Variants in CFAP61 observed in about 807,000 individuals in gnomAD.
CFAP61 encodes cilia and flagella associated protein 61, also known as cilia- and flagella-associated protein 61.
A neutral mutation model predicts 135.6 loss-of-function variants in CFAP61; 107 were observed. That is an observed-to-expected ratio of 0.79 (90% CI 0.67 to 0.93). The LOEUF is 0.93. Among genes scored for constraint, CFAP61 ranks in the 40% least tolerant of loss-of-function variants. The probability of loss-of-function intolerance (pLI) is 0.00; values close to 1 mark genes in which losing one functional copy is unlikely to be tolerated. For missense variants in CFAP61, 1,507 were observed against 1,556.2 expected (o/e 0.97, Z 0.53); for synonymous variants, 575 against 578.5 (o/e 0.99, Z 0.09).
chr20:20,248,989 C>A (rs2050678646), intron 19 of CFAP61, among the ~76,000 whole-genome samples: 1 of 152,204 alleles, frequency 6.6e-6, no homozygotes, highest in Non-Finnish European at 1.5e-5. Flanking sequence ...ACTTGAGGAA[C>A]AGGAAGTTTC....
chr20:20,183,412 T>C (rs1484060106), intron 13 of CFAP61, among the ~76,000 whole-genome samples: 1 of 152,194 alleles, frequency 6.6e-6, no homozygotes, highest in Non-Finnish European at 1.5e-5. Context: ...TCCTCCTGCC[T>C]TGGCCTCCCA....
intron 13 of CFAP61, among the ~76,000 whole-genome samples, chr20:20,178,878 CTTTA>C (rs2054838791): frequency 1.3e-5 from 2 of 151,906 alleles, no homozygotes; most frequent in Non-Finnish European, 2.9e-5. Context: ...TATTTTCTTT[CTTTA>C]TTTATTTTTG....
chr20:20,088,854 T>C (rs559977289), intron 6 of CFAP61, among the ~76,000 whole-genome samples: 24 of 152,272 alleles, frequency 1.6e-4, no homozygotes, highest in Admixed American at 1.5e-3. Flanking sequence ...ATACTTACTG[T>C]TTTTAATGAA....
intron 13 of CFAP61, among the ~76,000 whole-genome samples, chr20:20,186,717 T>C (rs1304777375): frequency 6.6e-6 from 1 of 152,234 alleles, no homozygotes; most frequent in Non-Finnish European, 1.5e-5. Flanking sequence ...TATTGTTCTT[T>C]GCAAATATGA....
chr20:20,269,997 A>T (rs1273147707), intron 21 of CFAP61, among the ~76,000 whole-genome samples: 1 of 152,208 alleles, frequency 6.6e-6, no homozygotes, highest in Non-Finnish European at 1.5e-5. Flanking sequence ...GTGAGGATGA[A>T]TGAGTCATAT....
At chr20:20,319,239 TAGAA>T (rs1210392488) in intron 25 of CFAP61, among the ~76,000 whole-genome samples, 1 of 152,216 alleles carries the variant, frequency 6.6e-6, no homozygotes, top group Non-Finnish European at 1.5e-5. Flanking sequence ...GCAGGTCACT[TAGAA>T]AGGAACTAGA....
intron 17 of CFAP61, among the ~76,000 whole-genome samples, chr20:20,208,425 G>C: frequency 6.6e-6 from 1 of 152,154 alleles, no homozygotes; most frequent in East Asian, 1.9e-4. Flanking sequence ...CCAAGGGTTA[G>C]ACTCCCCTGA....
rs375848946 is a variant in CFAP61, at chr20:20,277,323, G to A, written c.2661G>A (p.Ala887=). 3.7e-5 allele frequency: 59 copies of A among 1,614,022 alleles called. No individual in the cohort carries two copies. The highest frequency in any genetic ancestry group is 1.0e-4 in the Admixed American group (6 of 60,010). The change falls in exon 22 of 27, where the codon GCG becomes GCA. Residue 887 remains alanine, a synonymous_variant. Coordinates refer to ENST00000245957, the MANE Select transcript of CFAP61 (RefSeq NM_015585.4). ...ACTACTCGGTGGAGAGCGCCGTGGC[G>A]GACGCGCTAGGAGCCGCCGGAGTCA... ...INNYSVESAV[A]DALGAAGVTM... is the part of the protein sequence containing the mutation.
At position 20,359,260 on chromosome 20, in the gene CFAP61, AGG is replaced by A. The variant is rs2059385535; in HGVS notation, c.3514-949_3514-948del. On this transcript the variant is annotated intron_variant, in intron 26 of 26. Coordinates refer to ENST00000245957, the MANE Select transcript of CFAP61 (RefSeq NM_015585.4). This position sits in a 1 kb window ranked among gnomAD's most constrained non-coding sequence, Gnocchi z 4.0. ...TTGACTTGATTGTGAATTTATTCTA[AGG>A]TTTTAAAATCCCACTTCTTGGGAAT... Among the ~76,000 whole-genome samples the A allele has an allele frequency of 6.6e-6, 1 of 152,236 alleles. No individual in the cohort carries two copies. Among genetic ancestry groups the A allele is most frequent in the Non-Finnish European group, 1.5e-5 (1 of 68,042 alleles).
chr20:20,320,332 ATATTAT>A (rs1267882814), intron 25 of CFAP61, among the ~76,000 whole-genome samples: 1 of 110,390 alleles, frequency 9.1e-6, no homozygotes, highest in Non-Finnish European at 1.8e-5. Flanking sequence ...AGATATATAT[ATATTAT>A]ATATATGTAA....
chr20:20,068,661 G>A lies in CFAP61; in HGVS notation c.144-2193G>A, dbSNP rs569715014. ...AGCACAATGTTTCCCAAAGACGCCC[G>A]TACATCCGGTGGTACCCAGGGGGAT... On this transcript the variant is annotated intron_variant, in intron 2 of 26. Transcript: ENST00000245957. 5.3e-5 allele frequency among the ~76,000 whole-genome samples: 8 copies of A among 152,304 alleles called. No homozygotes were observed. In the South Asian group the frequency reaches 1.0e-3, roughly 20 times the overall value.
At chr20:20,060,148 G>C (rs1394836105) in intron 2 of CFAP61, among the ~76,000 whole-genome samples, 1 of 151,818 alleles carries the variant, frequency 6.6e-6, no homozygotes, top group Admixed American at 6.6e-5. Flanking sequence ...AGCCACAATA[G>C]TAGTCAGAAG....
intron 17 of CFAP61, among the ~76,000 whole-genome samples, chr20:20,204,991 A>G (rs2056795801): frequency 6.6e-6 from 1 of 152,018 alleles, no homozygotes; most frequent in South Asian, 2.1e-4. Flanking sequence ...AAGTTCCTTT[A>G]TGGGCTTTCT....
chr20:20,137,695 C>T (rs1120999), intron 8 of CFAP61, among the ~76,000 whole-genome samples: 137,121 of 152,080 alleles, frequency 0.9, 62,628 homozygotes, highest in Middle Eastern at 0.99. Flanking sequence ...CATTCAAGAG[C>T]CAAAGCCTGG....
intron 3 of CFAP61, among the ~76,000 whole-genome samples, chr20:20,071,401 G>T (rs2045698830): frequency 6.6e-6 from 1 of 152,186 alleles, no homozygotes. Flanking sequence ...TCAGACTTCT[G>T]TCACATTCTA....
At chr20:20,285,710 G>T (rs1276278034) in intron 22 of CFAP61, among the ~76,000 whole-genome samples, 3 of 152,000 alleles carry the variant, frequency 2.0e-5, no homozygotes, top group Non-Finnish European at 2.9e-5. Context: ...TTGAGCTCAG[G>T]AATTCAAGAC....
chr20:20,179,499 A>G (rs117218343), intron 13 of CFAP61, among the ~76,000 whole-genome samples: 3,230 of 152,308 alleles, frequency 0.021, 49 homozygotes, highest in Middle Eastern at 0.065. Context: ...TTAAACTACT[A>G]TTGACATTCT....
At chr20:20,263,902 G>A (rs977111636) in intron 21 of CFAP61, among the ~76,000 whole-genome samples, 1 of 152,146 alleles carries the variant, frequency 6.6e-6, no homozygotes, top group Non-Finnish European at 1.5e-5. Flanking sequence ...GTCCAGGGAT[G>A]TAAAACCACT....
intron 25 of CFAP61, among the ~76,000 whole-genome samples, chr20:20,321,172 G>T (rs1322877968): frequency 1.3e-5 from 2 of 152,086 alleles, no homozygotes; most frequent in Non-Finnish European, 2.9e-5. Context: ...GGGAGAGAGA[G>T]AAGTGAGGGT....
Sources: allele counts gnomAD v4.1 joint callset (sites outside exome capture counted in the v4.1 genomes callset), GRCh38; gene constraint gnomAD v4.1.1; non-coding constraint Gnocchi (gnomAD v3.1); transcripts MANE v1.5; gene names NCBI Gene and HGNC (gene_info 2026-07-23, HGNC 2026-07-21).